Variants in MSH3 observed in about 807,000 individuals in gnomAD.
MSH3 encodes the protein DNA mismatch repair protein Msh3.
MSH3 carries 106 observed loss-of-function variants against 123.3 expected under a neutral mutation model. The ratio of observed to expected loss-of-function variants is 0.86; its 90% CI spans 0.73 to 1.01. MSH3 has a LOEUF of 1.01. Ranked by LOEUF, MSH3 falls within the 50% of genes least tolerant of loss-of-function variation. The probability of loss-of-function intolerance (pLI) is 0.00; values close to 1 mark genes in which losing one functional copy is unlikely to be tolerated. For missense variants in MSH3, 1,459 were observed against 1,347.6 expected (o/e 1.08, Z -1.29); for synonymous variants, 515 against 481.4 (o/e 1.07, Z -0.91).
At chr5:80,744,433 C>A in intron 11 of MSH3, 73 bp from the exon 12 acceptor site, 1 of 1,034,128 alleles carries the variant, frequency 9.7e-7, no homozygotes, top group South Asian at 1.3e-5. Flanking sequence ...CATTTAGAAT[C>A]GGGGTATATG....
chr5:80,679,220 G>A (rs1749912847), intron 8 of MSH3, 127 bp downstream of exon 8: 2 of 1,014,350 alleles, frequency 2.0e-6, no homozygotes, highest in East Asian at 2.6e-5. Flanking sequence ...CTGTAGTAGT[G>A]GAAATTTAAA....
intron 2 of MSH3, among the ~76,000 whole-genome samples, chr5:80,663,533 C>T (rs1432789897): frequency 6.7e-6 from 1 of 148,680 alleles, no homozygotes; most frequent in African/African-American, 2.5e-5. Context: ...GATCTTCATC[C>T]CACTTTCATT....
chr5:80,840,130 T>C (rs1651675356), intron 20 of MSH3, among the ~76,000 whole-genome samples: 2 of 152,228 alleles, frequency 1.3e-5, no homozygotes, highest in South Asian at 4.1e-4. Flanking sequence ...CTCTGACATT[T>C]ATTATTACTG....
chr5:80,793,203 A>G (rs42290), intron 19 of MSH3, among the ~76,000 whole-genome samples: 133,241 of 152,288 alleles, frequency 0.87, 58,482 homozygotes, highest in East Asian at 1. Context: ...ATTTTCAGAT[A>G]TTCTATGCAA....
chr5:80,868,336 C>T (rs1239594276), intron 22 of MSH3, among the ~76,000 whole-genome samples: 1 of 151,814 alleles, frequency 6.6e-6, no homozygotes, highest in Non-Finnish European at 1.5e-5. Flanking sequence ...CATTGCAGCA[C>T]TATTCACAGT....
chr5:80,678,907 A>G lies in MSH3; in HGVS notation c.1174-20A>G, dbSNP rs776730662. Reference sequence around the variant, plus strand: ...GGAAATACATTTTTTCTGTAACATTATATTTGTATTTGTTTTTAGGGAGTG... The same window carrying G: ...GGAAATACATTTTTTCTGTAACATTGTATTTGTATTTGTTTTTAGGGAGTG... On this transcript the variant is annotated intron_variant, in intron 7 of 23. Coordinates refer to ENST00000265081, the MANE Select transcript of MSH3 (RefSeq NM_002439.5). 8.7e-6 allele frequency: 14 copies of G among 1,613,724 alleles called. No homozygotes were observed. The South Asian group carries it at 1.2e-4, about 14-fold the overall frequency.
chr5:80,824,443 GC>G lies in MSH3; in HGVS notation c.2813+10708del, dbSNP rs986213290. Among the ~76,000 whole-genome samples the G allele has an allele frequency of 6.1e-4, 93 of 152,018 alleles. 1 individual carries two copies. The highest frequency in any genetic ancestry group is 2.1e-3 in the African/African-American group (86 of 41,470). On this transcript the variant is annotated intron_variant, in intron 20 of 23. Transcript: ENST00000265081. Reference sequence around the variant, plus strand: ...CGGGGCGGCTGGCCGGGCGGGGGCTGCCCCCCACCTCCCTCCCAGAAATCTT... The same window carrying G: ...CGGGGCGGCTGGCCGGGCGGGGGCTGCCCCCACCTCCCTCCCAGAAATCTT...
intron 8 of MSH3, among the ~76,000 whole-genome samples, chr5:80,695,040 A>G (rs967686810): frequency 8.5e-6 from 1 of 117,202 alleles, no homozygotes; most frequent in Non-Finnish European, 1.9e-5. Flanking sequence ...TATTTCATCT[A>G]TTATTTCTTC....
chr5:80,787,571 C>T lies in MSH3; in HGVS notation c.2442C>T (p.Phe814=), dbSNP rs759094395. 2.5e-6 allele frequency: 4 copies of T among 1,611,982 alleles called. No individual in the cohort carries two copies. Among genetic ancestry groups the T allele is most frequent in the Non-Finnish European group, 3.4e-6 (4 of 1,178,182 alleles). Residue 814 remains phenylalanine, a synonymous_variant, in exon 18 of 24, where the codon TTC becomes TTT. Transcript: ENST00000265081. ...GTTGCTGCTGCTTCCGTAGGAAATT[C>T]AGTGAACATTATCACTCCTTGTGTA... ...SAEWLDFLEK[F]SEHYHSLCKA... is the part of the protein sequence containing the mutation.
intron 19 of MSH3, among the ~76,000 whole-genome samples, chr5:80,800,301 G>A (rs539789260): frequency 1.3e-5 from 2 of 152,276 alleles, no homozygotes; most frequent in East Asian, 3.9e-4. Flanking sequence ...TCTGTGTGTG[G>A]CCTCCTTAGG....
At chr5:80,865,702 C>A (rs1032378602) in intron 22 of MSH3, among the ~76,000 whole-genome samples, 19 of 152,090 alleles carry the variant, frequency 1.2e-4, no homozygotes, top group African/African-American at 4.6e-4. Flanking sequence ...AAGCCACCAG[C>A]CTGTAGTCCT....
chr5:80,841,398 A>G (rs1038199729), intron 20 of MSH3, among the ~76,000 whole-genome samples: 3 of 152,238 alleles, frequency 2.0e-5, no homozygotes, highest in Admixed American at 6.5e-5. Flanking sequence ...AGCATGATTT[A>G]TAATCCTTTG....
chr5:80,782,983 T>C (rs1204185123), intron 17 of MSH3, among the ~76,000 whole-genome samples: 1 of 152,224 alleles, frequency 6.6e-6, no homozygotes, highest in Non-Finnish European at 1.5e-5. Flanking sequence ...CTCTCTTTTT[T>C]TTGTTCTAGA....
intron 20 of MSH3, among the ~76,000 whole-genome samples, chr5:80,849,985 T>C (rs1449069940): frequency 6.6e-6 from 1 of 152,186 alleles, no homozygotes; most frequent in Admixed American, 6.5e-5. Context: ...AGCACCCAAG[T>C]CACCTCTTGA....
intron 8 of MSH3, among the ~76,000 whole-genome samples, chr5:80,695,294 C>T (rs1290674682): frequency 6.6e-6 from 1 of 151,652 alleles, no homozygotes; most frequent in African/African-American, 2.4e-5. Context: ...CTGTTGAGTG[C>T]ATCCACTGTT....
At chr5:80,709,250 G>C (rs79400934) in intron 8 of MSH3, among the ~76,000 whole-genome samples, 18,478 of 146,600 alleles carry the variant, frequency 0.13, 1,589 homozygotes, top group East Asian at 0.33. Flanking sequence ...TGTGTACCCT[G>C]AGCTAATGGA....
intron 8 of MSH3, among the ~76,000 whole-genome samples, chr5:80,690,561 G>A (rs1055387323): frequency 2.6e-5 from 4 of 152,012 alleles, no homozygotes; most frequent in Admixed American, 1.3e-4. Context: ...CAAATGATCC[G>A]TCCGCCTTGG....
In MSH3 at chr5:80,768,805, A is replaced by C. The variant is rs371561130; in HGVS notation, c.2085-30A>C. ...TAACTGCTGTAATTAATAAACTTCGAATATGTATTTGCATGTTTTGATTTT... is the reference window on the plus strand; with the variant it reads ...TAACTGCTGTAATTAATAAACTTCGCATATGTATTTGCATGTTTTGATTTT... On this transcript the variant is annotated intron_variant, in intron 14 of 23. Transcript: ENST00000265081. The C allele has an allele frequency of 1.1e-4, 166 of 1,553,028 alleles. No individual in the cohort carries two copies. Among genetic ancestry groups the C allele is most frequent in the Middle Eastern group, 9.5e-4 (5 of 5,268 alleles).
chr5:80,685,817 G>A (rs1455779744), intron 8 of MSH3, among the ~76,000 whole-genome samples: 3 of 151,882 alleles, frequency 2.0e-5, no homozygotes, highest in African/African-American at 7.2e-5. Flanking sequence ...TAGTACAGCC[G>A]TCACTGTATC....
Sources: gnomAD v4.1 joint callset for allele counts (sites outside exome capture counted in the v4.1 genomes callset) on GRCh38, gnomAD v4.1.1 for gene constraint, MANE v1.5 for transcripts, NCBI Gene and HGNC (gene_info 2026-07-23, HGNC 2026-07-21) for gene names.